Variants in SEC63 observed in about 807,000 individuals in gnomAD.
The protein encoded by SEC63 is SEC63 protein translocation regulator, also known as translocation protein SEC63 homolog.
Under a neutral mutation model 116.2 loss-of-function variants are expected in SEC63, and 56 were observed. The ratio of observed to expected loss-of-function variants is 0.48; its 90% CI spans 0.39 to 0.60. The LOEUF (loss-of-function observed/expected upper bound fraction) is 0.60, where lower values mean the gene tolerates loss of function less well. Ranked by LOEUF, SEC63 falls within the 20% of genes least tolerant of loss-of-function variation. The pLI is 0.00. For missense variants in SEC63, 668 were observed against 900.0 expected, an observed-to-expected ratio of 0.74 and a Z score of 3.30; for synonymous variants, 273 against 294.6, an observed-to-expected ratio of 0.93 and a Z score of 0.75.
intron 1 of SEC63, among the ~76,000 whole-genome samples, chr6:107,936,288 T>C (rs1770241937): frequency 6.6e-6 from 1 of 152,222 alleles, no homozygotes; most frequent in Non-Finnish European, 1.5e-5. Context: ...AATCAGTAAG[T>C]ACCACAGGCC....
chr6:107,915,774 T>A (rs1787387212), intron 4 of SEC63, among the ~76,000 whole-genome samples: 1 of 152,046 alleles, frequency 6.6e-6, no homozygotes, highest in Non-Finnish European at 1.5e-5. Context: ...GCTGCTAGAG[T>A]TATTCATGAG....
chr6:107,892,376 C>G (rs1056115069), intron 16 of SEC63, among the ~76,000 whole-genome samples: 1 of 152,102 alleles, frequency 6.6e-6, no homozygotes, highest in African/African-American at 2.4e-5. Context: ...ATAAGTGGTT[C>G]GTATCCCCTA....
chr6:107,876,427 C>T (rs146341876), intron 19 of SEC63, 137 bp downstream of exon 19: 10 of 643,900 alleles, frequency 1.6e-5, no homozygotes, highest in South Asian at 1.1e-4. Flanking sequence ...AAATAGAGAA[C>T]AGTTACAAAA....
At chr6:107,874,488 C>T (rs1786210061) in intron 19 of SEC63, among the ~76,000 whole-genome samples, 3 of 150,540 alleles carry the variant, frequency 2.0e-5, no homozygotes, top group South Asian at 4.2e-4. Flanking sequence ...CCCAGCTACT[C>T]AGGAGGCTGA....
intron 18 of SEC63, chr6:107,876,904 A>G (rs1308117592): frequency 2.3e-6 from 1 of 437,186 alleles, no homozygotes; most frequent in East Asian, 4.0e-5. Flanking sequence ...CTTAAAACCT[A>G]TTGATTGGCC....
At chr6:107,953,574 G>A (rs1406792507) in intron 1 of SEC63, among the ~76,000 whole-genome samples, 2 of 137,386 alleles carry the variant, frequency 1.5e-5, no homozygotes, top group Admixed American at 7.2e-5. Context: ...GGAGGTGGGG[G>A]GGTCAGCCCC....
chr6:107,890,974 C>T (rs1348656023), intron 16 of SEC63, among the ~76,000 whole-genome samples: 4 of 152,130 alleles, frequency 2.6e-5, no homozygotes, highest in Admixed American at 6.5e-5. Flanking sequence ...GTGGGTAACC[C>T]GATCTTTCTC....
intron 1 of SEC63, among the ~76,000 whole-genome samples, chr6:107,948,373 C>A (rs560412631): frequency 6.6e-6 from 1 of 152,128 alleles, no homozygotes; most frequent in Non-Finnish European, 1.5e-5. Flanking sequence ...TCCTCTAGGA[C>A]GCAGTTTTCT....
intron 4 of SEC63, among the ~76,000 whole-genome samples, chr6:107,919,053 G>A (rs764430697): frequency 2.8e-4 from 43 of 152,068 alleles, no homozygotes; most frequent in Middle Eastern, 3.4e-3. Context: ...TGGGATTACA[G>A]GCATGCCCCA....
intron 3 of SEC63, among the ~76,000 whole-genome samples, chr6:107,924,430 TAGAC>T (rs995914418): frequency 5.3e-5 from 8 of 150,226 alleles, no homozygotes; most frequent in Non-Finnish European, 1.0e-4. Context: ...TACAAAAAAT[TAGAC>T]AGGCGTGATG....
intron 1 of SEC63, among the ~76,000 whole-genome samples, chr6:107,952,163 G>A (rs958653395): frequency 5.3e-5 from 8 of 152,062 alleles, no homozygotes; most frequent in Non-Finnish European, 1.2e-4. Flanking sequence ...ACTACTAAAA[G>A]GGGTATTAAT....
rs1295270018 is a variant in SEC63, at chr6:107,958,019, T to A, written c.-10A>T. 1.9e-6 allele frequency: 3 copies of A among 1,612,324 alleles called. No homozygotes were observed. In the African/African-American group the frequency reaches 4.0e-5, roughly 22 times the overall value. On this transcript the variant is annotated 5_prime_UTR_variant, in exon 1 of 21. Coordinates refer to ENST00000369002, the MANE Select transcript of SEC63 (RefSeq NM_007214.5). ...ACTGCTGCCCGGCCATGGCACCCCCTCCTCCGCCTCGCTCTTCTCACCGCC... is the reference window on the plus strand; with the variant it reads ...ACTGCTGCCCGGCCATGGCACCCCCACCTCCGCCTCGCTCTTCTCACCGCC...
chr6:107,890,560 C>T (rs182993095), intron 16 of SEC63, among the ~76,000 whole-genome samples: 2 of 152,128 alleles, frequency 1.3e-5, no homozygotes, highest in Non-Finnish European at 2.9e-5. Context: ...GGCATTTAGC[C>T]CATTTACATT....
chr6:107,887,283 A>C lies in SEC63; in HGVS notation c.1675-4137T>G, dbSNP rs371503668. 8.2e-3 allele frequency among the ~76,000 whole-genome samples: 1,193 copies of C among 146,364 alleles called. 22 individuals carry two copies. Among genetic ancestry groups the C allele is most frequent in the African/African-American group, 0.023 (911 of 38,916 alleles). ...AAAGGACTATAAATCATGCTGCTAT[A>C]AAGACACATGCACACGTATGTTTAT... On this transcript the variant is annotated intron_variant, in intron 16 of 20. Transcript: ENST00000369002.
intron 4 of SEC63, among the ~76,000 whole-genome samples, chr6:107,916,740 C>T (rs1787408815): frequency 1.3e-5 from 2 of 152,168 alleles, no homozygotes; most frequent in South Asian, 4.1e-4. Context: ...TGATCTTTGA[C>T]ATTTCTATTA....
Position 107,904,686 on chromosome 6 carries a change from G to A in SEC63, c.997C>T (p.Leu333Phe). 3.7e-6 allele frequency: 6 copies of A among 1,613,842 alleles called. No homozygotes were observed. The highest frequency in any genetic ancestry group is 5.1e-6 in the Non-Finnish European group (6 of 1,179,732). The change falls in exon 11 of 21, where the codon CTT (leucine) becomes TTT (phenylalanine). Residue 333 changes from leucine (L) to phenylalanine (F), a missense_variant. Physicochemically the swap from Leu to Phe is conservative, Grantham distance 22. This residue lies in a region of SEC63 where 430 missense variants were observed against 557.5 expected (regional missense o/e 0.77). Coordinates refer to ENST00000369002, the MANE Select transcript of SEC63 (RefSeq NM_007214.5). The stretch of plus-strand genomic sequence containing the variant: ...CAGATTACATTAACCATTTCTTGAA[G>A]TAGGGCAGGACACTTTTTTAGCATG... ...QFMLKKCPAL[L>F]QEMVNVICQL...
At chr6:107,882,582 T>A (rs1037884299) in intron 17 of SEC63, among the ~76,000 whole-genome samples, 1 of 152,152 alleles carries the variant, frequency 6.6e-6, no homozygotes, top group African/African-American at 2.4e-5. Flanking sequence ...CAGTACTGTT[T>A]CTCTACAGTA....
At chr6:107,928,569 T>G (rs1787729467) in intron 2 of SEC63, among the ~76,000 whole-genome samples, 1 of 152,082 alleles carries the variant, frequency 6.6e-6, no homozygotes, top group Non-Finnish European at 1.5e-5. Flanking sequence ...GCCCTGAAAT[T>G]ATGCTGAAAA....
chr6:107,907,882 A>G (rs192409889), intron 8 of SEC63, among the ~76,000 whole-genome samples: 2 of 152,330 alleles, frequency 1.3e-5, no homozygotes, highest in East Asian at 1.9e-4. Context: ...AAAGCTGTGT[A>G]AGGATACCAC....
Sources: allele counts gnomAD v4.1 joint callset (sites outside exome capture counted in the v4.1 genomes callset), GRCh38; gene constraint gnomAD v4.1.1; regional missense constraint gnomAD v4.1.1; transcripts MANE v1.5; gene names NCBI Gene and HGNC (gene_info 2026-07-23, HGNC 2026-07-21).